Variants in GLRA1 observed in about 807,000 individuals in gnomAD.
GLRA1 encodes glycine receptor subunit alpha-1.
GLRA1 carries 37 observed loss-of-function variants against 48.3 expected under a neutral mutation model. That is an observed-to-expected ratio of 0.77 (90% CI 0.59 to 1.01). The LOEUF (loss-of-function observed/expected upper bound fraction) is 1.01. Among genes scored for constraint, GLRA1 ranks in the 50% least tolerant of loss-of-function variants. The probability of loss-of-function intolerance (pLI) is 0.00; values close to 1 mark genes in which losing one functional copy is unlikely to be tolerated. For missense variants in GLRA1, 427 were observed against 571.0 expected (o/e 0.75, Z 2.57); for synonymous variants, 196 against 210.7 (o/e 0.93, Z 0.60).
chr5:151,886,826 C>T, intron 2 of GLRA1, 38 bp from the exon 3 acceptor site: 1 of 1,467,538 alleles, frequency 6.8e-7, no homozygotes, highest in South Asian at 1.1e-5. Context: ...GCCCCAAGGC[C>T]ATGGAAGAAC....
intron 1 of GLRA1, among the ~76,000 whole-genome samples, chr5:151,904,544 A>G (rs1225998027): frequency 6.6e-6 from 1 of 152,218 alleles, no homozygotes. Context: ...ACTATTTAAA[A>G]TAATGTGGAA....
At chr5:151,894,084 T>C (rs1202034742) in intron 1 of GLRA1, among the ~76,000 whole-genome samples, 1 of 152,186 alleles carries the variant, frequency 6.6e-6, no homozygotes, top group African/African-American at 2.4e-5. Context: ...TAAGCAGCAC[T>C]GACATGTGCT....
At chr5:151,923,373 T>C (rs1754925866) in intron 1 of GLRA1, among the ~76,000 whole-genome samples, 2 of 152,214 alleles carry the variant, frequency 1.3e-5, no homozygotes, top group South Asian at 2.1e-4. Flanking sequence ...GAGGGTAATA[T>C]TTGGTGACCA....
intron 7 of GLRA1, among the ~76,000 whole-genome samples, chr5:151,833,004 TAAAGA>T (rs1191672605): frequency 6.6e-6 from 1 of 152,040 alleles, no homozygotes; most frequent in African/African-American, 2.4e-5. Flanking sequence ...TCAACAATCT[TAAAGA>T]AAAGAATTTT....
At chr5:151,825,535 C>T (rs1272789080) in intron 8 of GLRA1, among the ~76,000 whole-genome samples, 1 of 152,082 alleles carries the variant, frequency 6.6e-6, no homozygotes, top group Non-Finnish European at 1.5e-5. Context: ...GCTTGCTATT[C>T]TTATTGGAAC....
At chr5:151,879,884 T>C (rs891269661) in intron 3 of GLRA1, among the ~76,000 whole-genome samples, 1 of 152,190 alleles carries the variant, frequency 6.6e-6, no homozygotes, top group Non-Finnish European at 1.5e-5. Context: ...TGAATTTCCA[T>C]GTGTTATGGA....
At chr5:151,920,103 C>G (rs1203515871) in intron 1 of GLRA1, among the ~76,000 whole-genome samples, 2 of 152,220 alleles carry the variant, frequency 1.3e-5, no homozygotes, top group African/African-American at 4.8e-5. Context: ...TAGTTTTAGA[C>G]TGGACACATA....
At chr5:151,875,235 A>G (rs972324298) in intron 3 of GLRA1, among the ~76,000 whole-genome samples, 1 of 151,760 alleles carries the variant, frequency 6.6e-6, no homozygotes, top group Non-Finnish European at 1.5e-5. Context: ...CAGTGGCACA[A>G]TAATAGCTCA....
At chr5:151,895,625 C>CTGTGTGTGTGTGTGTGTGTG (rs67871185) in intron 1 of GLRA1, among the ~76,000 whole-genome samples, 1 of 146,592 alleles carries the variant, frequency 6.8e-6, no homozygotes, top group African/African-American at 2.5e-5. Flanking sequence ...GTGTGTGTGT[C>CTGTGTGTGTGTGTGTGTGTG]TGTGTGTGTG....
chr5:151,897,965 A>G (rs970016431), intron 1 of GLRA1, among the ~76,000 whole-genome samples: 1 of 152,188 alleles, frequency 6.6e-6, no homozygotes, highest in Non-Finnish European at 1.5e-5. Context: ...TTGTCACACT[A>G]AGAGATTTTG....
intron 6 of GLRA1, among the ~76,000 whole-genome samples, chr5:151,854,538 A>C (rs1416943326): frequency 2.6e-5 from 4 of 152,198 alleles, no homozygotes. Flanking sequence ...TCAATCTTCC[A>C]ACAAAAGCAT....
chr5:151,898,661 G>A (rs1754284722), intron 1 of GLRA1, among the ~76,000 whole-genome samples: 1 of 152,172 alleles, frequency 6.6e-6, no homozygotes, highest in Non-Finnish European at 1.5e-5. Flanking sequence ...CTAAGAGGCT[G>A]AGAGTAACCA....
chr5:151,904,289 C>T (rs1012114728), intron 1 of GLRA1, among the ~76,000 whole-genome samples: 1 of 152,158 alleles, frequency 6.6e-6, no homozygotes, highest in Non-Finnish European at 1.5e-5. Flanking sequence ...CCCTTTCTAA[C>T]ACACAGGGGG....
In GLRA1 at chr5:151,850,649, C is replaced by T. The variant is rs1752876325; in HGVS notation, c.912+741G>A. On this transcript the variant is annotated intron_variant, in intron 7 of 8. Transcript: ENST00000274576. ...CAATCGTAGTGCCAACATACACATT[C>T]CCTGGACTGTTGGCCAGGAGAAGAA... The T allele has an allele frequency of 5.0e-6, 7 of 1,396,242 alleles. No homozygotes were observed. In the Admixed American group the frequency reaches 8.4e-5, roughly 17 times the overall value. 86.5% of individuals were successfully genotyped at this position (1,396,242 alleles called of 1,614,324 possible).
intron 7 of GLRA1, among the ~76,000 whole-genome samples, chr5:151,847,729 A>G (rs1752716160): frequency 6.6e-6 from 1 of 152,102 alleles, no homozygotes. Flanking sequence ...TCGTCTCAAA[A>G]AAAAAAAAAA....
chr5:151,826,529 G>C (rs1763275534), intron 8 of GLRA1, among the ~76,000 whole-genome samples: 1 of 152,174 alleles, frequency 6.6e-6, no homozygotes, highest in Non-Finnish European at 1.5e-5. Flanking sequence ...TTTGCCATCA[G>C]TGCCTCATGA....
At chr5:151,873,197 T>C (rs1753530674) in intron 3 of GLRA1, among the ~76,000 whole-genome samples, 1 of 149,506 alleles carries the variant, frequency 6.7e-6, no homozygotes, top group Non-Finnish European at 1.5e-5. Context: ...GAAAGGTCTT[T>C]GAGGTGGAAT....
intron 3 of GLRA1, among the ~76,000 whole-genome samples, chr5:151,863,595 A>T (rs1373132965): frequency 6.6e-6 from 1 of 152,098 alleles, no homozygotes; most frequent in South Asian, 2.1e-4. Flanking sequence ...TAGTTCCCCA[A>T]ATGATTAATA....
chr5:151,827,739 C>T (rs1167318842), intron 8 of GLRA1, among the ~76,000 whole-genome samples: 1 of 152,094 alleles, frequency 6.6e-6, no homozygotes, highest in East Asian at 1.9e-4. Context: ...GCTTGTAGGA[C>T]CTGGCATATT....
Sources: gnomAD v4.1 joint callset for allele counts (sites outside exome capture counted in the v4.1 genomes callset) on GRCh38, gnomAD v4.1.1 for gene constraint, MANE v1.5 for transcripts, NCBI Gene and HGNC (gene_info 2026-07-23, HGNC 2026-07-21) for gene names.